Variants in RNF13 observed in about 807,000 individuals in gnomAD.
RNF13 encodes the protein E3 ubiquitin-protein ligase RNF13.
A neutral mutation model predicts 37.7 loss-of-function variants in RNF13; 19 were observed. The ratio of observed to expected loss-of-function variants is 0.50; its 90% confidence interval spans 0.35 to 0.74. RNF13 has a LOEUF of 0.74. Ranked by LOEUF, RNF13 falls within the 30% of genes least tolerant of loss-of-function variation. The pLI is 0.01. For synonymous variants in RNF13, 144 were observed against 157.8 expected (o/e 0.91, Z 0.65); for missense variants, 375 against 453.0 (o/e 0.83, Z 1.56).
chr3:149,859,494 A>C (rs188117678), intron 3 of RNF13, among the ~76,000 whole-genome samples: 25 of 151,674 alleles, frequency 1.6e-4, no homozygotes, highest in Admixed American at 5.9e-4. Context: ...AGGGGAGATA[A>C]AGACACACAC....
At chr3:149,855,542 C>T (rs1723562794) in intron 3 of RNF13, among the ~76,000 whole-genome samples, 1 of 149,556 alleles carries the variant, frequency 6.7e-6, no homozygotes, top group Non-Finnish European at 1.5e-5. Context: ...TGTATCTTTA[C>T]ATTTATATAT....
At chr3:149,869,652 G>T (rs1443288935) in intron 3 of RNF13, among the ~76,000 whole-genome samples, 1 of 151,774 alleles carries the variant, frequency 6.6e-6, no homozygotes, top group Non-Finnish European at 1.5e-5. Context: ...AGGGTTGCTT[G>T]TTGGTTTCTT....
At chr3:149,813,747 T>A (rs2108297185) in intron 1 of RNF13, 1 of 152,502 alleles carries the variant, frequency 6.6e-6, no homozygotes, top group African/African-American at 2.4e-5. Flanking sequence ...TGTCTCTGAA[T>A]AGAAGGAGGG....
At chr3:149,818,422 G>A (rs73155068) in intron 1 of RNF13, among the ~76,000 whole-genome samples, 6,884 of 152,152 alleles carry the variant, frequency 0.045, 221 homozygotes, top group Non-Finnish European at 0.063. Context: ...TTTCTTATTC[G>A]CATTTGTCTC....
intron 1 of RNF13, among the ~76,000 whole-genome samples, chr3:149,844,124 A>G (rs906486431): frequency 5.3e-5 from 8 of 152,218 alleles, no homozygotes; most frequent in African/African-American, 1.9e-4. Flanking sequence ...TAACAACTAT[A>G]CCTTATTTTG....
At chr3:149,829,072 C>T (rs1720779475) in intron 1 of RNF13, among the ~76,000 whole-genome samples, 1 of 151,954 alleles carries the variant, frequency 6.6e-6, no homozygotes, top group Non-Finnish European at 1.5e-5. Context: ...GTATGAAGGC[C>T]CTGAGATTGG....
intron 1 of RNF13, among the ~76,000 whole-genome samples, chr3:149,814,933 G>GT (rs759720092): frequency 0.02 from 2,917 of 144,964 alleles, 52 homozygotes; most frequent in African/African-American, 0.041. Flanking sequence ...TGTTTTATTA[G>GT]TTTTTTTTTT....
rs1166127213 is a variant in RNF13, at chr3:149,961,790, AGTGTT to A, written c.*687_*691del. The A allele has an allele frequency of 6.5e-6, 1 of 153,896 alleles. No homozygotes were observed. Among genetic ancestry groups the A allele is most frequent in the Non-Finnish European group, 1.4e-5 (1 of 69,050 alleles). The allele number at this position is 153,896 out of a possible 1,614,324, so 9.5% of individuals were successfully genotyped here. A position where few individuals can be genotyped will look rare whatever the true frequency, so the allele number is the denominator to read the frequency against. ...TTTTCAGTGTCCTTAAGGGTTCTGT[AGTGTT>A]ATCAAAGCAAAAAGAAAATGCTGCA... On this transcript the variant is annotated 3_prime_UTR_variant, in exon 10 of 10. Transcript: ENST00000392894.
chr3:149,956,329 G>C (rs968564758), intron 8 of RNF13, among the ~76,000 whole-genome samples: 1 of 152,194 alleles, frequency 6.6e-6, no homozygotes, highest in Admixed American at 6.6e-5. Flanking sequence ...GAAAGATTCA[G>C]GACATGTTTT....
At chr3:149,821,062 T>G (rs1719953437) in intron 1 of RNF13, among the ~76,000 whole-genome samples, 1 of 152,230 alleles carries the variant, frequency 6.6e-6, no homozygotes, top group African/African-American at 2.4e-5. Context: ...TGTTTATCCA[T>G]TTATCCATCG....
chr3:149,815,872 C>T (rs984750413), intron 1 of RNF13, among the ~76,000 whole-genome samples: 1 of 151,932 alleles, frequency 6.6e-6, no homozygotes, highest in African/African-American at 2.4e-5. Context: ...GTGGTTCTTA[C>T]AGTCATTGAT....
At chr3:149,848,799 G>A (rs556905448) in intron 2 of RNF13, among the ~76,000 whole-genome samples, 24 of 152,188 alleles carry the variant, frequency 1.6e-4, no homozygotes, top group African/African-American at 4.8e-4. Flanking sequence ...GTTTGTCCAA[G>A]TAGTTGTTGA....
intron 4 of RNF13, among the ~76,000 whole-genome samples, chr3:149,881,943 T>G (rs1713453727): frequency 6.6e-6 from 1 of 152,118 alleles, no homozygotes; most frequent in Non-Finnish European, 1.5e-5. Context: ...TCCTGGCAGT[T>G]TTTCTCAGAA....
At chr3:149,894,851 G>A (rs995787439) in intron 4 of RNF13, among the ~76,000 whole-genome samples, 16 of 152,194 alleles carry the variant, frequency 1.1e-4, no homozygotes, top group Admixed American at 7.8e-4. Context: ...TTTAAAGTGA[G>A]ACGTAATAAC....
At chr3:149,915,761 A>C (rs773027765) in intron 7 of RNF13, among the ~76,000 whole-genome samples, 13 of 152,206 alleles carry the variant, frequency 8.5e-5, no homozygotes, top group Non-Finnish European at 1.6e-4. Flanking sequence ...ACAAATACTG[A>C]TTCTACTTAC....
chr3:149,950,404 C>G (rs776734901), intron 8 of RNF13, among the ~76,000 whole-genome samples: 4 of 152,018 alleles, frequency 2.6e-5, no homozygotes, highest in Admixed American at 1.3e-4. Context: ...GTAAATAGGC[C>G]GTTAGTCATG....
intron 4 of RNF13, among the ~76,000 whole-genome samples, chr3:149,873,073 T>C (rs918637855): frequency 6.6e-6 from 1 of 152,212 alleles, no homozygotes; most frequent in Non-Finnish European, 1.5e-5. Context: ...CTCAGAGTTG[T>C]TTATGATAGT....
intron 4 of RNF13, among the ~76,000 whole-genome samples, chr3:149,890,383 C>T (rs1475080896): frequency 6.6e-6 from 1 of 152,190 alleles, no homozygotes; most frequent in Non-Finnish European, 1.5e-5. Flanking sequence ...ACTGCACAGT[C>T]TGTCCTTTTT....
chr3:149,831,823 G>A (rs1037744946), intron 1 of RNF13, among the ~76,000 whole-genome samples: 11 of 152,074 alleles, frequency 7.2e-5, no homozygotes, highest in Non-Finnish European at 1.0e-4. Context: ...CAGAATTCCT[G>A]GAAATCTTGA....
Sources: allele counts gnomAD v4.1 joint callset (sites outside exome capture counted in the v4.1 genomes callset), GRCh38; gene constraint gnomAD v4.1.1; transcripts MANE v1.5; gene names NCBI Gene and HGNC (gene_info 2026-07-23, HGNC 2026-07-21).